Variants in SEPTIN9 observed in about 807,000 individuals in gnomAD.
SEPTIN9 encodes septin 9, also known as septin-9.
SEPTIN9 carries 13 observed loss-of-function variants against 56.6 expected under a neutral mutation model. The ratio of observed to expected loss-of-function variants is 0.23; its 90% confidence interval spans 0.15 to 0.37. The LOEUF (loss-of-function observed/expected upper bound fraction) is 0.37. Among genes scored for constraint, SEPTIN9 ranks in the 10% least tolerant of loss-of-function variants. The probability of loss-of-function intolerance (pLI) is 1.00; values close to 1 mark genes in which losing one functional copy is unlikely to be tolerated. For synonymous variants in SEPTIN9, 332 were observed against 334.1 expected (o/e 0.99, Z 0.07); for missense variants, 650 against 823.1 (o/e 0.79, Z 2.57).
intron 4 of SEPTIN9, chr17:77,482,978 C>G (rs530428548): frequency 2.4e-4 from 42 of 176,932 alleles, no homozygotes; most frequent in Non-Finnish European, 3.5e-4. Context: ...CAGGCAGAAG[C>G]GAGGCTCAGG....
At chr17:77,396,990 G>C (rs955608154) in intron 2 of SEPTIN9, 2 of 154,870 alleles carry the variant, frequency 1.3e-5, no homozygotes, top group Non-Finnish European at 2.9e-5. Flanking sequence ...GAATGTGGTT[G>C]TGGTGGGATT....
At chr17:77,380,185 C>T (rs2035085932) in intron 2 of SEPTIN9, 1 of 167,086 alleles carries the variant, frequency 6.0e-6, no homozygotes, top group Admixed American at 6.6e-5. Context: ...TTTAAAAGTC[C>T]TGCCAATGCC....
intron 2 of SEPTIN9, among the ~76,000 whole-genome samples, chr17:77,392,218 G>C (rs905961867): frequency 9.9e-5 from 15 of 152,194 alleles, no homozygotes; most frequent in African/African-American, 3.6e-4. Flanking sequence ...GTGATGAGCA[G>C]GAAGGACCTC....
chr17:77,342,473 T>G (rs2033765335), intron 2 of SEPTIN9, among the ~76,000 whole-genome samples: 1 of 152,374 alleles, frequency 6.6e-6, no homozygotes, highest in South Asian at 2.1e-4. Context: ...TCCCCTTTTC[T>G]GGTGTCCATT....
intron 3 of SEPTIN9, among the ~76,000 whole-genome samples, chr17:77,455,999 C>A (rs1447156604): frequency 1.3e-5 from 2 of 152,174 alleles, no homozygotes; most frequent in East Asian, 1.9e-4. Context: ...CTGGAAGATT[C>A]CCGGCACCGC....
chr17:77,422,276 C>T (rs1176274412), intron 3 of SEPTIN9, among the ~76,000 whole-genome samples: 4 of 152,172 alleles, frequency 2.6e-5, no homozygotes, highest in Admixed American at 2.6e-4. Context: ...GGTCAGGCCT[C>T]TCGTGACATC....
At chr17:77,387,501 C>T (rs765942527) in intron 2 of SEPTIN9, among the ~76,000 whole-genome samples, 2 of 152,192 alleles carry the variant, frequency 1.3e-5, no homozygotes, top group East Asian at 1.9e-4. Context: ...CAGTCCACTG[C>T]GGCAGCTGAT....
At chr17:77,348,841 A>T (rs929103423) in intron 2 of SEPTIN9, among the ~76,000 whole-genome samples, 1 of 152,214 alleles carries the variant, frequency 6.6e-6, no homozygotes, top group African/African-American at 2.4e-5. Context: ...ACAATAAGGA[A>T]ATTTTTGCTT....
chr17:77,378,219 A>G (rs927609343), intron 2 of SEPTIN9, among the ~76,000 whole-genome samples: 1 of 152,160 alleles, frequency 6.6e-6, no homozygotes, highest in African/African-American at 2.4e-5. Context: ...CTGTCCAGGA[A>G]GGTTTTGAAT....
At chr17:77,481,192 T>TG (rs1456560701) in intron 3 of SEPTIN9, among the ~76,000 whole-genome samples, 1 of 152,188 alleles carries the variant, frequency 6.6e-6, no homozygotes, top group East Asian at 1.9e-4. Context: ...GACCCGTGTG[T>TG]GGTGTCTTAA....
intron 2 of SEPTIN9, among the ~76,000 whole-genome samples, chr17:77,362,122 G>A (rs1370795015): frequency 1.3e-5 from 2 of 152,228 alleles, no homozygotes; most frequent in African/African-American, 2.4e-5. Flanking sequence ...TCGATGCCCC[G>A]TATCGGAGGC....
intron 4 of SEPTIN9, among the ~76,000 whole-genome samples, chr17:77,485,901 T>C (rs1178441821): frequency 6.6e-6 from 1 of 151,952 alleles, no homozygotes; most frequent in Admixed American, 6.6e-5. Context: ...TGCAGTGGCA[T>C]GGTCTTGACT....
Position 77,405,893 on chromosome 17 carries a change from G to A in SEPTIN9, c.721+3190G>A, listed in dbSNP as rs1485465713. ...CTGGGAGTTCCCTGAGCCCCGACAT[G>A]CACAGCTCTGACCAATCTCTGCGGC... On this transcript the variant is annotated intron_variant, in intron 3 of 11. Transcript: ENST00000427177. The surrounding 1 kb of genome is among the most constrained non-coding windows in gnomAD (Gnocchi z 5.8). Among the ~76,000 whole-genome samples, 3 of 152,218 alleles carry A rather than the reference G, an allele frequency of 2.0e-5. No individual in the cohort carries two copies. The highest frequency in any genetic ancestry group is 4.1e-4 in the South Asian group (2 of 4,832).
chr17:77,493,773 T>C (rs1039182547), intron 10 of SEPTIN9, among the ~76,000 whole-genome samples: 7 of 148,632 alleles, frequency 4.7e-5, no homozygotes, highest in African/African-American at 1.7e-4. Context: ...TCCTTTTTTT[T>C]TTTTTTTTTT....
At chr17:77,459,291 A>G (rs2038354348) in intron 3 of SEPTIN9, among the ~76,000 whole-genome samples, 1 of 152,192 alleles carries the variant, frequency 6.6e-6, no homozygotes, top group African/African-American at 2.4e-5. Context: ...CCACCTCCCC[A>G]GACTCCTGGG....
chr17:77,291,971 CCCCCTGCG>C (rs1275797236), intron 1 of SEPTIN9, among the ~76,000 whole-genome samples: 3 of 152,174 alleles, frequency 2.0e-5, no homozygotes, highest in Non-Finnish European at 4.4e-5. Flanking sequence ...GTCTGCTGGT[CCCCCTGCG>C]AAGGCCCAGG....
chr17:77,487,364 G>GT lies in SEPTIN9; in HGVS notation c.914-59dup. ...CGTGCCTGGGTGGGAGGGGCCCCAT[G>GT]TGCAGACCCTGCTGGTCTCTCCGGA... is the stretch of plus-strand genomic sequence containing the variant. On this transcript the variant is annotated intron_variant, in intron 4 of 11. Coordinates refer to ENST00000427177, the MANE Select transcript of SEPTIN9 (RefSeq NM_001113491.2). The surrounding 1 kb of genome is among the most constrained non-coding windows in gnomAD (Gnocchi z 4.3). 1 of 1,552,952 alleles carries GT rather than the reference G, an allele frequency of 6.4e-7. No homozygotes were observed. Among genetic ancestry groups the GT allele is most frequent in the South Asian group, 1.2e-5 (1 of 84,362 alleles).
intron 2 of SEPTIN9, among the ~76,000 whole-genome samples, chr17:77,396,066 G>A (rs1262909766): frequency 2.0e-5 from 3 of 152,204 alleles, no homozygotes; most frequent in African/African-American, 7.2e-5. Flanking sequence ...TTGCGAGATT[G>A]GAGTCTGGCT....
In SEPTIN9 at chr17:77,434,468, C is replaced by T. The variant is rs751035731; in HGVS notation, c.721+31765C>T. On this transcript the variant is annotated intron_variant, in intron 3 of 11. Coordinates refer to ENST00000427177, the MANE Select transcript of SEPTIN9 (RefSeq NM_001113491.2). The surrounding 1 kb of genome is among the most constrained non-coding windows in gnomAD (Gnocchi z 5.0). Reference sequence around the variant, plus strand: ...GTGTTGTCTCGCTAGCATATGAGCCCGTACTGCCTCTGAGTCTGCAGCCTG... The same window carrying T: ...GTGTTGTCTCGCTAGCATATGAGCCTGTACTGCCTCTGAGTCTGCAGCCTG... Among the ~76,000 whole-genome samples the T allele has an allele frequency of 3.9e-5, 6 of 152,178 alleles. No homozygotes were observed. Among genetic ancestry groups the T allele is most frequent in the Admixed American group, 2.0e-4 (3 of 15,286 alleles).
Sources: allele counts gnomAD v4.1 joint callset (sites outside exome capture counted in the v4.1 genomes callset), GRCh38; gene constraint gnomAD v4.1.1; non-coding constraint Gnocchi (gnomAD v3.1); transcripts MANE v1.5; gene names NCBI Gene and HGNC (gene_info 2026-07-23, HGNC 2026-07-21).